The following GRID1 variants were observed in gnomAD, a reference collection of about 807,000 sequenced individuals.
GRID1 encodes the protein glutamate ionotropic receptor delta type subunit 1, also known as glutamate receptor ionotropic, delta-1.
Under a neutral mutation model 98.0 loss-of-function variants are expected in GRID1, and 28 were observed. The observed-to-expected ratio is 0.29, with a 90% CI of 0.21 to 0.39. The LOEUF (loss-of-function observed/expected upper bound fraction) is 0.39. GRID1 is among the 10% of genes least tolerant of loss of function. GRID1 has a pLI of 1.00. For synonymous variants in GRID1, 553 were observed against 538.5 expected (o/e 1.03, Z -0.37); for missense variants, 1,111 against 1,340.5 (o/e 0.83, Z 2.67).
chr10:85,965,923 C>T (rs1015214725), intron 4 of GRID1, among the ~76,000 whole-genome samples: 1 of 152,134 alleles, frequency 6.6e-6, no homozygotes, highest in Non-Finnish European at 1.5e-5. Flanking sequence ...TCTACTCCCA[C>T]CACCTCCTCC....
chr10:85,766,216 T>A (rs1207314842), intron 8 of GRID1, among the ~76,000 whole-genome samples: 1 of 152,374 alleles, frequency 6.6e-6, no homozygotes, highest in East Asian at 1.9e-4. Context: ...CTGGGCACAG[T>A]GGCTCACGCC....
chr10:86,309,503 T>C (rs1479364378), intron 2 of GRID1, among the ~76,000 whole-genome samples: 1 of 152,160 alleles, frequency 6.6e-6, no homozygotes, highest in Non-Finnish European at 1.5e-5. Flanking sequence ...TACACAGCTG[T>C]TGTGGCTCCC....
intron 12 of GRID1, among the ~76,000 whole-genome samples, chr10:85,656,078 T>C (rs1840891989): frequency 6.6e-6 from 1 of 152,170 alleles, no homozygotes; most frequent in Non-Finnish European, 1.5e-5. Context: ...ACTGCCTCCA[T>C]TACCCTCTTC....
chr10:86,186,418 C>T (rs1478513555), intron 3 of GRID1, among the ~76,000 whole-genome samples: 11 of 152,130 alleles, frequency 7.2e-5, no homozygotes, highest in Admixed American at 1.3e-4. Context: ...TCATCATTTT[C>T]CACTCTAATC....
intron 4 of GRID1, among the ~76,000 whole-genome samples, chr10:85,980,622 A>T (rs773913938): frequency 5.9e-5 from 9 of 152,150 alleles, no homozygotes; most frequent in Non-Finnish European, 1.3e-4. Flanking sequence ...TATGGAAAAC[A>T]CACTCGTGTT....
chr10:85,972,935 GA>G (rs1296352638), intron 4 of GRID1, among the ~76,000 whole-genome samples: 1 of 152,126 alleles, frequency 6.6e-6, no homozygotes, highest in Non-Finnish European at 1.5e-5. Flanking sequence ...AGATATAATA[GA>G]TATAAGATGA....
rs181304292 is a variant in GRID1, at chr10:86,218,864, C to T, written c.236-12216G>A. On this transcript the variant is annotated intron_variant, in intron 2 of 15. Coordinates refer to ENST00000327946, the MANE Select transcript of GRID1 (RefSeq NM_017551.3). ...CAGGACTTGTGTCTCCCTAGCACCCCGCATGGAGTGGGACCCCCAGCTCTG... is the reference window on the plus strand; with the variant it reads ...CAGGACTTGTGTCTCCCTAGCACCCTGCATGGAGTGGGACCCCCAGCTCTG... 4.4e-4 allele frequency among the ~76,000 whole-genome samples: 67 copies of T among 152,344 alleles called. No homozygotes were observed. In the East Asian group the frequency reaches 0.011, roughly 25 times the overall value.
chr10:85,817,929 G>A (rs928899603), intron 8 of GRID1, among the ~76,000 whole-genome samples: 1 of 152,140 alleles, frequency 6.6e-6, no homozygotes, highest in African/African-American at 2.4e-5. Context: ...CAAATGAAAG[G>A]CATAACCTCA....
At chr10:85,984,570 G>A (rs763518724) in intron 4 of GRID1, among the ~76,000 whole-genome samples, 12 of 152,194 alleles carry the variant, frequency 7.9e-5, no homozygotes, top group African/African-American at 2.2e-4. Context: ...GGAAACTCAC[G>A]CTAGTGAATA....
In GRID1 at chr10:86,069,445, G is replaced by A. The variant is rs185637830; in HGVS notation, c.726+69374C>T. 6.7e-3 allele frequency among the ~76,000 whole-genome samples: 1,023 copies of A among 152,206 alleles called. 10 individuals are homozygous for A. The highest frequency in any genetic ancestry group is 0.023 in the African/African-American group (971 of 41,532). On this transcript the variant is annotated intron_variant, in intron 4 of 15. Coordinates refer to ENST00000327946, the MANE Select transcript of GRID1 (RefSeq NM_017551.3). ...GGGCGGATCATGAGGTCAGGAGATC[G>A]AGACCACCCTGGCTAACACGGTGAA...
intron 4 of GRID1, among the ~76,000 whole-genome samples, chr10:85,966,301 A>G (rs1368438429): frequency 6.6e-6 from 1 of 152,230 alleles, no homozygotes; most frequent in Non-Finnish European, 1.5e-5. Flanking sequence ...CCATAGGGAC[A>G]TTGGGAAATC....
chr10:86,123,210 C>T (rs1031924753), intron 4 of GRID1, among the ~76,000 whole-genome samples: 2 of 152,158 alleles, frequency 1.3e-5, no homozygotes, highest in Non-Finnish European at 2.9e-5. Context: ...GGGGGACCTA[C>T]TCAAGACCAC....
chr10:85,742,882 A>G (rs1336265333), intron 8 of GRID1, among the ~76,000 whole-genome samples: 2 of 152,152 alleles, frequency 1.3e-5, no homozygotes, highest in Admixed American at 1.3e-4. Flanking sequence ...GCTCTAGGAC[A>G]AAGCTTTTCA....
chr10:85,805,424 C>G (rs1220587788), intron 8 of GRID1, among the ~76,000 whole-genome samples: 2 of 151,734 alleles, frequency 1.3e-5, no homozygotes, highest in Non-Finnish European at 3.0e-5. Context: ...CCAATAAACC[C>G]TAAATTGGTC....
chr10:86,180,063 T>G (rs559177063), intron 3 of GRID1, among the ~76,000 whole-genome samples: 115 of 152,192 alleles, frequency 7.6e-4, no homozygotes, highest in African/African-American at 2.6e-3. Flanking sequence ...GTCAAGAGTC[T>G]GGGAGCCAGT....
At chr10:86,141,513 C>A (rs1416396244) in intron 3 of GRID1, among the ~76,000 whole-genome samples, 3 of 152,350 alleles carry the variant, frequency 2.0e-5, no homozygotes, top group East Asian at 3.9e-4. Flanking sequence ...CATCTCAGCA[C>A]CCAGCGGCCA....
intron 3 of GRID1, among the ~76,000 whole-genome samples, chr10:86,177,385 A>T (rs1251448361): frequency 6.6e-6 from 1 of 152,078 alleles, no homozygotes; most frequent in African/African-American, 2.4e-5. Flanking sequence ...AGAGAGAGAG[A>T]CAGAGAGAGA....
At chr10:86,149,610 C>T (rs1845134965) in intron 3 of GRID1, among the ~76,000 whole-genome samples, 2 of 152,204 alleles carry the variant, frequency 1.3e-5, no homozygotes, top group South Asian at 2.1e-4. Flanking sequence ...AGATTAAAAA[C>T]AATTTAAAAT....
At chr10:85,845,729 C>T (rs1334389957) in intron 8 of GRID1, among the ~76,000 whole-genome samples, 1 of 152,066 alleles carries the variant, frequency 6.6e-6, no homozygotes, top group Non-Finnish European at 1.5e-5. Flanking sequence ...GGCAGTCGTC[C>T]CCTGATTTGT....
Sources: allele counts gnomAD v4.1 joint callset (sites outside exome capture counted in the v4.1 genomes callset), GRCh38; gene constraint gnomAD v4.1.1; transcripts MANE v1.5; gene names NCBI Gene and HGNC (gene_info 2026-07-23, HGNC 2026-07-21).